Variants in ATAD1 observed in about 807,000 individuals in gnomAD.
ATAD1 encodes outer mitochondrial transmembrane helix translocase.
A neutral mutation model predicts 42.7 loss-of-function variants in ATAD1; 18 were observed. The observed-to-expected ratio is 0.42, with a 90% CI of 0.29 to 0.63. The LOEUF is 0.63. ATAD1 is among the 20% of genes least tolerant of loss of function. The pLI, the probability that ATAD1 is intolerant of heterozygous loss-of-function variation, is 0.19. For synonymous variants in ATAD1, 132 were observed against 143.1 expected (o/e 0.92, Z 0.55); for missense variants, 294 against 440.4 (o/e 0.67, Z 2.98).
At chr10:87,838,592 A>C (rs555914360) in intron 1 of ATAD1, among the ~76,000 whole-genome samples, 111 of 152,210 alleles carry the variant, frequency 7.3e-4, no homozygotes, top group Middle Eastern at 3.4e-3. Context: ...CAAAATGCAC[A>C]AGTTGAAGCT....
rs186770961 is a variant in ATAD1 at position 87,751,518 on chromosome 10, T to C, written c.*3169A>G. The C allele has an allele frequency of 1.3e-5, 2 of 152,328 alleles. No homozygotes were observed. Among genetic ancestry groups the C allele is most frequent in the African/African-American group, 4.8e-5 (2 of 41,582 alleles). 9.4% of individuals were successfully genotyped at this position (152,328 alleles called of 1,614,324 possible). A position where few individuals can be genotyped will look rare whatever the true frequency, so the allele number is the denominator to read the frequency against. On this transcript the variant is annotated 3_prime_UTR_variant, in exon 10 of 10. Coordinates refer to ENST00000680024, the MANE Select transcript of ATAD1 (RefSeq NM_001321967.2). ...ACAATCACATTTTAGTCAATTATGT[T>C]AGAAGCTCATATTTAATAAGGTTCA...
intron 7 of ATAD1, 81 bp from the exon 8 acceptor site, chr10:87,767,804 C>T: frequency 7.2e-7 from 1 of 1,388,824 alleles, no homozygotes; most frequent in Non-Finnish European, 9.9e-7. Context: ...AATATTTTGT[C>T]CCTTCTAAAG....
intron 4 of ATAD1, among the ~76,000 whole-genome samples, chr10:87,789,125 T>C (rs1298193259): frequency 6.6e-6 from 1 of 152,214 alleles, no homozygotes; most frequent in Non-Finnish European, 1.5e-5. Flanking sequence ...ACTTTATTGA[T>C]ATAGCTGCAA....
At chr10:87,780,409 A>C (rs1028353067) in intron 5 of ATAD1, among the ~76,000 whole-genome samples, 6 of 152,188 alleles carry the variant, frequency 3.9e-5, no homozygotes, top group Non-Finnish European at 4.4e-5. Flanking sequence ...TGCAACACAA[A>C]GAATGAACCT....
intron 2 of ATAD1, among the ~76,000 whole-genome samples, chr10:87,799,169 T>C (rs191310087): frequency 1.6e-4 from 24 of 152,318 alleles, no homozygotes; most frequent in African/African-American, 5.3e-4. Context: ...ATCTTAAGAA[T>C]TGCCAAAATA....
chr10:87,755,950 C>T (rs1042604648), intron 9 of ATAD1, among the ~76,000 whole-genome samples: 2 of 152,094 alleles, frequency 1.3e-5, no homozygotes, highest in South Asian at 2.1e-4. Flanking sequence ...GGTGCACTAA[C>T]GATGATGAGA....
At chr10:87,814,279 T>C (rs1385465805) in intron 2 of ATAD1, among the ~76,000 whole-genome samples, 159 bp downstream of exon 2, 3 of 152,128 alleles carry the variant, frequency 2.0e-5, no homozygotes, top group African/African-American at 7.2e-5. Flanking sequence ...CATAATAAAC[T>C]AGTACTTTGT....
chr10:87,798,334 C>T (rs116637154), intron 2 of ATAD1, among the ~76,000 whole-genome samples: 1,601 of 152,180 alleles, frequency 0.011, 23 homozygotes, highest in African/African-American at 0.036. Context: ...TCAAGCACTC[C>T]GTAGGTTTTA....
At chr10:87,833,355 C>A (rs1196450328) in intron 1 of ATAD1, among the ~76,000 whole-genome samples, 1 of 151,992 alleles carries the variant, frequency 6.6e-6, no homozygotes, top group Non-Finnish European at 1.5e-5. Context: ...AAAGTCAGTT[C>A]TAGGAGGTTT....
rs200674470 is a variant in ATAD1 at position 87,765,062 on chromosome 10, TA to T, written c.831+2610del. On this transcript the variant is annotated intron_variant, in intron 8 of 9. Coordinates refer to ENST00000680024, the MANE Select transcript of ATAD1 (RefSeq NM_001321967.2). Reference sequence around the variant, plus strand: ...GTATAACATGGCAATGAGGCTAGGTTAAAAAAAAAGAATCCTTTTCTTTTAG... The same window carrying T: ...GTATAACATGGCAATGAGGCTAGGTTAAAAAAAAGAATCCTTTTCTTTTAG... Among the ~76,000 whole-genome samples, 1,107 of 151,030 alleles carry T rather than the reference TA, an allele frequency of 7.3e-3. 9 individuals carry two copies. Among genetic ancestry groups the T allele is most frequent in the African/African-American group, 0.026 (1,059 of 41,154 alleles).
At chr10:87,766,180 ACAATGTGG>A (rs957483948) in intron 8 of ATAD1, among the ~76,000 whole-genome samples, 1 of 152,230 alleles carries the variant, frequency 6.6e-6, no homozygotes, top group Non-Finnish European at 1.5e-5. Flanking sequence ...GTAAACCGTA[ACAATGTGG>A]CAATAGCTAC....
intron 1 of ATAD1, among the ~76,000 whole-genome samples, chr10:87,836,990 G>A (rs990561782): frequency 1.3e-5 from 2 of 151,884 alleles, no homozygotes; most frequent in African/African-American, 2.4e-5. Flanking sequence ...CTTTATTTTT[G>A]TTATTATATT....
intron 4 of ATAD1, 99 bp downstream of exon 4, chr10:87,790,211 T>TG: frequency 7.1e-7 from 1 of 1,399,212 alleles, no homozygotes; most frequent in Middle Eastern, 2.0e-4. Flanking sequence ...AGCATCCTCT[T>TG]GAGAATCTGA....
intron 2 of ATAD1, among the ~76,000 whole-genome samples, chr10:87,795,027 A>C (rs1856315614): frequency 6.6e-6 from 1 of 152,200 alleles, no homozygotes; most frequent in Non-Finnish European, 1.5e-5. Context: ...GGTAATTTAT[A>C]ATCAACCCTT....
In ATAD1 at chr10:87,827,445, C is replaced by T. The variant is rs148804678; in HGVS notation, c.-13-12833G>A. On this transcript the variant is annotated intron_variant, in intron 1 of 4. Transcript: ENST00000495903. ...TTACAAATGGAAGGTGTGTGGCAAC[C>T]CTGCATCTAGCTAGTGTGTCAGTGC... Among the ~76,000 whole-genome samples, 915 of 152,286 alleles carry T rather than the reference C, an allele frequency of 6.0e-3. 3 individuals are homozygous for T. Among genetic ancestry groups the T allele is most frequent in the Middle Eastern group, 0.01 (3 of 294 alleles).
chr10:87,789,538 T>TGG (rs1483652190), intron 4 of ATAD1, among the ~76,000 whole-genome samples: 3 of 152,118 alleles, frequency 2.0e-5, no homozygotes, highest in African/African-American at 7.2e-5. Flanking sequence ...CTGAGCAACA[T>TGG]GGTGAAACAC....
chr10:87,838,773 A>C (rs1857975709), intron 1 of ATAD1, among the ~76,000 whole-genome samples: 3 of 152,122 alleles, frequency 2.0e-5, no homozygotes, highest in African/African-American at 7.2e-5. Context: ...TTTTGTGAGG[A>C]CATAGCAAGA....
chr10:87,819,690 A>G (rs145274433), upstream of ATAD1, among the ~76,000 whole-genome samples: 186 of 152,310 alleles, frequency 1.2e-3, no homozygotes, highest in Non-Finnish European at 2.1e-3. Flanking sequence ...AAGTTCATAT[A>G]CTTGGGAAAT....
intron 4 of ATAD1, among the ~76,000 whole-genome samples, chr10:87,789,762 T>C (rs1856007928): frequency 6.6e-6 from 1 of 152,028 alleles, no homozygotes; most frequent in Non-Finnish European, 1.5e-5. Context: ...AAAAGAAAGA[T>C]TTGAATGAAC....
Sources: gnomAD v4.1 joint callset for allele counts (sites outside exome capture counted in the v4.1 genomes callset) on GRCh38, gnomAD v4.1.1 for gene constraint, MANE v1.5 for transcripts, NCBI Gene and HGNC (gene_info 2026-07-23, HGNC 2026-07-21) for gene names.